Variants in MAN2C1 observed in about 807,000 individuals in gnomAD.
The protein encoded by MAN2C1 is mannosidase alpha class 2C member 1.
MAN2C1 carries 111 observed loss-of-function variants against 126.9 expected under a neutral mutation model. The observed-to-expected ratio is 0.87, with a 90% confidence interval of 0.75 to 1.02. The LOEUF is 1.02. Ranked by LOEUF, MAN2C1 falls within the 50% of genes least tolerant of loss-of-function variation. The probability of loss-of-function intolerance (pLI) is 0.00; values close to 1 mark genes in which losing one functional copy is unlikely to be tolerated. For missense variants in MAN2C1, 1,363 were observed against 1,364.4 expected (o/e 1.00, Z 0.02); for synonymous variants, 567 against 561.5 (o/e 1.01, Z -0.14).
chr15:75,357,076 C>T, intron 21 of MAN2C1, 174 bp from the exon 22 acceptor site: 1 of 600,806 alleles, frequency 1.7e-6, no homozygotes, highest in Non-Finnish European at 3.0e-6. Flanking sequence ...CCTCAGTTTC[C>T]TTATCTGTGA....
chr15:75,362,192 C>T lies in MAN2C1; in HGVS notation c.1008+151G>A. ...TCTCCTCCCCCTTGAAGTCCCAGGCCTTGAGATCCCAGGGACTAATGAGCC... is the reference window on the plus strand; with the variant it reads ...TCTCCTCCCCCTTGAAGTCCCAGGCTTTGAGATCCCAGGGACTAATGAGCC... On this transcript the variant is annotated intron_variant, in intron 8 of 25. Coordinates refer to ENST00000267978, the MANE Select transcript of MAN2C1 (RefSeq NM_006715.4). This position sits in a 1 kb window ranked among gnomAD's most constrained non-coding sequence, Gnocchi z 4.5. 1 of 726,528 alleles carries T rather than the reference C, an allele frequency of 1.4e-6. No individual in the cohort carries two copies. The highest frequency in any genetic ancestry group is 2.7e-5 in the East Asian group (1 of 37,112). The allele number at this position is 726,528 out of a possible 1,614,324, so 45.0% of individuals were successfully genotyped here.
rs781535925 is a variant in MAN2C1 at position 75,364,646 on chromosome 15, C to T, written c.442G>A (p.Val148Ile). The T allele has an allele frequency of 8.7e-6, 14 of 1,612,386 alleles. No homozygotes were observed. Among genetic ancestry groups the T allele is most frequent in the Middle Eastern group, 1.6e-4 (1 of 6,076 alleles). ...DPRSLTLYVE[V>I]ACNGLLGAGK... ...GCCCCCAGGAGCCCATTGCAGGCTACTTCCACATAGAGAGTGAGGCTACAA... is the reference window on the plus strand; with the variant it reads ...GCCCCCAGGAGCCCATTGCAGGCTATTTCCACATAGAGAGTGAGGCTACAA... The change falls in exon 5 of 26, where the codon GTA becomes ATA. Residue 148 changes from valine to isoleucine, a missense_variant. Val to Ile is a conservative substitution (Grantham distance 29). Transcript: ENST00000267978.
Position 75,362,727 on chromosome 15 carries a change from T to G in MAN2C1, c.812A>C (p.Glu271Ala). The part of the protein sequence containing the change: ...IDTAWLWPFK[E>A]TVRKCARSWV... ...GCTCCGGGCACATTTCCTCACAGTC[T>G]CTTTGAAGGGCCAAAGCCAGGCTAT... is the stretch of plus-strand genomic sequence containing the variant. Residue 271 changes from glutamate to alanine, a missense_variant, in exon 7 of 26, where the codon GAG becomes GCG. Physicochemically the swap from Glu to Ala is moderately radical, Grantham distance 107. This residue lies in a region of MAN2C1 where 628 missense variants were observed against 609.8 expected (regional missense o/e 1.03). Transcript: ENST00000267978. The surrounding 1 kb of genome is among the most constrained non-coding windows in gnomAD (Gnocchi z 4.5). 15 of 1,614,050 alleles carry G rather than the reference T, an allele frequency of 9.3e-6. No homozygotes were observed. In the South Asian group the frequency reaches 1.6e-4, roughly 18 times the overall value.
At chr15:75,365,928 T>TAA (rs750370269) in intron 4 of MAN2C1, 2 of 388,714 alleles carry the variant, frequency 5.1e-6, no homozygotes, top group Non-Finnish European at 1.0e-5. Flanking sequence ...CTACCAAAAA[T>TAA]AAAAAAAAAA....
intron 1 of MAN2C1, 116 bp from the exon 2 acceptor site, chr15:75,368,314 C>G: frequency 2.0e-6 from 3 of 1,477,808 alleles, no homozygotes; most frequent in Non-Finnish European, 2.7e-6. Context: ...GCTGCCTGGC[C>G]GCTCCGCGGC....
Position 75,361,993 on chromosome 15 carries a change from G to A in MAN2C1, c.1009-46C>T, listed in dbSNP as rs2072480423. Reference sequence around the variant, plus strand: ...AGGCAGCCCAGGTCAGCGCTGGACGGGGAGCAGGCAGGCGCTCAGGCCAAC... The same window carrying A: ...AGGCAGCCCAGGTCAGCGCTGGACGAGGAGCAGGCAGGCGCTCAGGCCAAC... On this transcript the variant is annotated intron_variant, in intron 8 of 25. Coordinates refer to ENST00000267978, the MANE Select transcript of MAN2C1 (RefSeq NM_006715.4). The surrounding 1 kb of genome is among the most constrained non-coding windows in gnomAD (Gnocchi z 5.0). The A allele has an allele frequency of 6.8e-7, 1 of 1,479,478 alleles. No individual in the cohort carries two copies. Among genetic ancestry groups the A allele is most frequent in the Non-Finnish European group, 9.4e-7 (1 of 1,058,982 alleles). The allele number at this position is 1,479,478 out of a possible 1,614,324, so 91.6% of individuals were successfully genotyped here. A position where few individuals can be genotyped will look rare whatever the true frequency, so the allele number is the denominator to read the frequency against.
At chr15:75,359,303 GC>G (rs2072415559) in intron 17 of MAN2C1, 24 bp downstream of exon 17, 3 of 1,576,276 alleles carry the variant, frequency 1.9e-6, no homozygotes, top group Admixed American at 1.8e-5. Context: ...CACAGTTCCT[GC>G]CCCCCAGGGC....
At position 75,362,233 on chromosome 15, in the gene MAN2C1, C is replaced by T. The variant is rs372941345; in HGVS notation, c.1008+110G>A. 55 of 935,554 alleles carry T rather than the reference C, an allele frequency of 5.9e-5. No individual in the cohort carries two copies. The East Asian group carries it at 6.8e-4, about 12-fold the overall frequency. The allele number at this position is 935,554 out of a possible 1,614,324, so 58.0% of individuals were successfully genotyped here. On this transcript the variant is annotated intron_variant, in intron 8 of 25. Coordinates refer to ENST00000267978, the MANE Select transcript of MAN2C1 (RefSeq NM_006715.4). The surrounding 1 kb of genome is among the most constrained non-coding windows in gnomAD (Gnocchi z 4.5). ...CTAATGAGCCAGCCCTGCCACACAG[C>T]GGGGATGAGTGGCCCGTGGAAACTC...
chr15:75,360,282 T>A (rs1321807954), intron 13 of MAN2C1, 71 bp from the exon 14 acceptor site: 8 of 1,579,192 alleles, frequency 5.1e-6, no homozygotes, highest in Non-Finnish European at 6.9e-6. Context: ...AAGCCCTCCC[T>A]TGCTCAGAAT....
rs1422320481 is a variant in MAN2C1, at chr15:75,358,985, G to A, written c.2141+74C>T. The A allele has an allele frequency of 2.5e-6, 4 of 1,587,782 alleles. No homozygotes were observed. In the African/African-American group the frequency reaches 4.0e-5, roughly 16 times the overall value. The stretch of plus-strand genomic sequence containing the variant: ...CTGGTGGGCTGCTGTGGGCAGTGTT[G>A]TGGCAAGGGGAGAGAGGAAATGGCC... On this transcript the variant is annotated intron_variant, in intron 18 of 25. Transcript: ENST00000267978.
chr15:75,368,019 G>C (rs1222870298), intron 2 of MAN2C1, 54 bp downstream of exon 2: 4 of 1,551,602 alleles, frequency 2.6e-6, no homozygotes, highest in African/African-American at 2.7e-5. Context: ...CTGGGAGCTG[G>C]GTTGGGACTT....
Position 75,368,199 on chromosome 15 carries a change from C to CT in MAN2C1, c.102-2dup. The CT allele has an allele frequency of 6.2e-7, 1 of 1,601,990 alleles. No individual in the cohort carries two copies. Among genetic ancestry groups the CT allele is most frequent in the Non-Finnish European group, 8.5e-7 (1 of 1,176,618 alleles). ...CACAGGGCAGCTGGCCCCAAAAAGC[C>CT]TGCGTGGGACGGGCCGGTGGGCACA... On this transcript the variant is annotated splice_acceptor_variant, in intron 1 of 25. Transcript: ENST00000267978. LOFTEE classifies it high-confidence loss of function.
rs1031310916 is a variant in MAN2C1, at chr15:75,368,503, G to A, written c.81C>T (p.Thr27=). The change falls in exon 1 of 26, where the codon ACC becomes ACT. Residue 27 remains threonine, a synonymous_variant. Transcript: ENST00000267978. ...VEKFVSPLYF[T]DCNLRGRLFG... Reference sequence around the variant, plus strand: ...CACACCTGCCGCGGAGGTTACAGTCGGTAAAGTAGAGCGGCGACACGAACT... The same window carrying A: ...CACACCTGCCGCGGAGGTTACAGTCAGTAAAGTAGAGCGGCGACACGAACT... The A allele has an allele frequency of 5.8e-6, 9 of 1,555,150 alleles. No homozygotes were observed. The South Asian group carries it at 1.1e-4, about 18-fold the overall frequency.
Position 75,358,702 on chromosome 15 carries a change from A to ACCACATGCTGCCCAG in MAN2C1, c.2246+1_2246+2insCTGGGCAGCATGTGG. 1.2e-6 allele frequency: 2 copies of ACCACATGCTGCCCAG among 1,613,846 alleles called. No homozygotes were observed. The highest frequency in any genetic ancestry group is 1.7e-6 in the Non-Finnish European group (2 of 1,179,776). ...CATCCCCACATGCTGCCCAGCCTAT[A>ACCACATGCTGCCCAG]CCGTGTCTCCAGGTGGTAGTCCATG... On this transcript the variant is annotated splice_donor_variant, in intron 19 of 25. Transcript: ENST00000267978. LOFTEE classifies it high-confidence loss of function.
intron 12 of MAN2C1, 151 bp downstream of exon 12, chr15:75,360,895 A>C: frequency 8.2e-7 from 1 of 1,222,826 alleles, no homozygotes; most frequent in Non-Finnish European, 1.1e-6. Flanking sequence ...TCCCCCACCC[A>C]CCCCCAGGGT....
At position 75,362,222 on chromosome 15, in the gene MAN2C1, C is replaced by T. The variant is rs1316725240; in HGVS notation, c.1008+121G>A. 1 of 865,570 alleles carries T rather than the reference C, an allele frequency of 1.2e-6. No individual in the cohort carries two copies. Among genetic ancestry groups the T allele is most frequent in the Non-Finnish European group, 1.8e-6 (1 of 542,644 alleles). The allele number at this position is 865,570 out of a possible 1,614,324, so 53.6% of individuals were successfully genotyped here. ...GATCCCAGGGACTAATGAGCCAGCC[C>T]TGCCACACAGCGGGGATGAGTGGCC... is the stretch of plus-strand genomic sequence containing the variant. On this transcript the variant is annotated intron_variant, in intron 8 of 25. Transcript: ENST00000267978. This position sits in a 1 kb window ranked among gnomAD's most constrained non-coding sequence, Gnocchi z 4.5.
chr15:75,364,715 C>T (rs376632955), intron 4 of MAN2C1, 50 bp from the exon 5 acceptor site: 34 of 1,495,414 alleles, frequency 2.3e-5, no homozygotes, highest in East Asian at 1.7e-4. Flanking sequence ...CACAGTACTC[C>T]GGGGACTTGG....
chr15:75,360,904 G>A (rs964731179), intron 12 of MAN2C1, 142 bp downstream of exon 12: 1 of 1,260,076 alleles, frequency 7.9e-7, no homozygotes, highest in African/African-American at 1.5e-5. Context: ...CACCCCCAGG[G>A]TGGAAGTTTG....
intron 3 of MAN2C1, among the ~76,000 whole-genome samples, chr15:75,367,081 A>T (rs1389143897): frequency 1.3e-5 from 2 of 152,072 alleles, no homozygotes; most frequent in Admixed American, 1.3e-4. Context: ...CCAGATTGAG[A>T]GTCAGTCCAA....
Sources: allele counts gnomAD v4.1 joint callset (sites outside exome capture counted in the v4.1 genomes callset), GRCh38; gene constraint gnomAD v4.1.1; regional missense constraint gnomAD v4.1.1; non-coding constraint Gnocchi (gnomAD v3.1); transcripts MANE v1.5; gene names NCBI Gene and HGNC (gene_info 2026-07-23, HGNC 2026-07-21).